Variants in SGCZ observed in about 807,000 individuals in gnomAD.
The protein encoded by SGCZ is sarcoglycan zeta, also known as zeta-sarcoglycan.
A neutral mutation model predicts 41.3 loss-of-function variants in SGCZ; 40 were observed. The observed-to-expected ratio is 0.97, with a 90% CI of 0.75 to 1.26. The LOEUF (loss-of-function observed/expected upper bound fraction) is 1.26. SGCZ is among the 50% of genes most tolerant of loss of function. The pLI is 0.00. For missense variants in SGCZ, 552 were observed against 369.8 expected (o/e 1.49, Z -4.04); for synonymous variants, 206 against 137.5 (o/e 1.50, Z -3.49).
intron 1 of SGCZ, among the ~76,000 whole-genome samples, chr8:15,134,917 T>C (rs1808051305): frequency 1.3e-5 from 2 of 152,158 alleles, no homozygotes; most frequent in Admixed American, 1.3e-4. Context: ...TTCAACATCT[T>C]AGTTTTTGAA....
At chr8:14,934,967 CAG>C (rs1054105322) in intron 1 of SGCZ, among the ~76,000 whole-genome samples, 36 of 143,238 alleles carry the variant, frequency 2.5e-4, no homozygotes, top group African/African-American at 8.4e-4. Flanking sequence ...TAGAGTTATT[CAG>C]AGTTATTCAT....
chr8:15,136,288 T>C (rs530115700), intron 1 of SGCZ, among the ~76,000 whole-genome samples: 1 of 152,196 alleles, frequency 6.6e-6, no homozygotes, highest in East Asian at 1.9e-4. Flanking sequence ...TAACAGGCAA[T>C]GAGTTTATTG....
intron 2 of SGCZ, among the ~76,000 whole-genome samples, chr8:14,336,990 G>A (rs186746716): frequency 6.6e-6 from 1 of 152,198 alleles, no homozygotes; most frequent in Non-Finnish European, 1.5e-5. Flanking sequence ...GTGTACAGAG[G>A]GAAGTGCTGT....
At chr8:14,220,700 T>G (rs1386504102) in intron 4 of SGCZ, among the ~76,000 whole-genome samples, 1 of 152,020 alleles carries the variant, frequency 6.6e-6, no homozygotes, top group Non-Finnish European at 1.5e-5. Flanking sequence ...GGTAGGAGAA[T>G]GGCGTGAACC....
intron 1 of SGCZ, among the ~76,000 whole-genome samples, chr8:15,029,271 C>A (rs1182076763): frequency 1.3e-5 from 2 of 151,956 alleles, no homozygotes; most frequent in Admixed American, 6.6e-5. Flanking sequence ...AAGTTGAAAG[C>A]ACTTAGAATT....
chr8:14,911,367 C>G (rs1799275061), intron 1 of SGCZ, among the ~76,000 whole-genome samples: 1 of 151,952 alleles, frequency 6.6e-6, no homozygotes, highest in Non-Finnish European at 1.5e-5. Flanking sequence ...GCCTATTTTT[C>G]TTAGGAAAAG....
At chr8:14,313,949 TG>T (rs1801630490) in intron 3 of SGCZ, among the ~76,000 whole-genome samples, 1 of 133,378 alleles carries the variant, frequency 7.5e-6, no homozygotes, top group African/African-American at 3.0e-5. Context: ...TGTGTGTGTG[TG>T]TGTGTTGGTG....
chr8:14,352,462 AC>A (rs1803135074), intron 2 of SGCZ, among the ~76,000 whole-genome samples: 1 of 152,120 alleles, frequency 6.6e-6, no homozygotes, highest in African/African-American at 2.4e-5. Context: ...AGAAAATTTG[AC>A]GTAAGCAGAG....
intron 2 of SGCZ, among the ~76,000 whole-genome samples, chr8:14,355,519 A>G (rs1024573471): frequency 2.6e-5 from 4 of 152,036 alleles, no homozygotes; most frequent in Non-Finnish European, 5.9e-5. Flanking sequence ...GTAAAAATTC[A>G]CTTAATCTGA....
chr8:14,494,237 G>A (rs763028620), intron 2 of SGCZ, among the ~76,000 whole-genome samples: 6 of 152,128 alleles, frequency 3.9e-5, no homozygotes, highest in Non-Finnish European at 7.3e-5. Context: ...GAAATAAAGA[G>A]ACTTCAGAGC....
intron 1 of SGCZ, among the ~76,000 whole-genome samples, chr8:15,216,188 G>A (rs1801393316): frequency 6.9e-6 from 1 of 144,086 alleles, no homozygotes; most frequent in Non-Finnish European, 1.5e-5. Flanking sequence ...AAAAAAGGAT[G>A]TTTTAAGTAT....
chr8:14,131,447 G>T (rs994883933), intron 5 of SGCZ, among the ~76,000 whole-genome samples: 3 of 152,126 alleles, frequency 2.0e-5, no homozygotes, highest in Non-Finnish European at 2.9e-5. Flanking sequence ...AGCAATTTCT[G>T]TATGTTATTC....
intron 2 of SGCZ, among the ~76,000 whole-genome samples, chr8:14,504,339 G>A (rs1008062562): frequency 3.3e-5 from 5 of 152,094 alleles, no homozygotes; most frequent in African/African-American, 1.2e-4. Context: ...GCCCATGGGG[G>A]CTAGAAATTC....
intron 4 of SGCZ, among the ~76,000 whole-genome samples, chr8:14,193,383 G>A (rs912029794): frequency 6.6e-6 from 1 of 151,350 alleles, no homozygotes; most frequent in African/African-American, 2.4e-5. Flanking sequence ...ACAGTTGAAT[G>A]AGTGAGAGAA....
At chr8:15,219,648 T>G (rs927134628) in intron 1 of SGCZ, among the ~76,000 whole-genome samples, 8 of 152,124 alleles carry the variant, frequency 5.3e-5, no homozygotes, top group African/African-American at 1.9e-4. Flanking sequence ...AGCTGAGATA[T>G]TTACCGGAAT....
intron 3 of SGCZ, among the ~76,000 whole-genome samples, chr8:14,312,064 G>GT (rs143918809): frequency 0.014 from 2,090 of 152,146 alleles, 51 homozygotes; most frequent in African/African-American, 0.047. Context: ...TGGGGACAAT[G>GT]TTTTTTTGAA....
chr8:14,575,702 T>C (rs1010400878), intron 1 of SGCZ, among the ~76,000 whole-genome samples: 8 of 151,394 alleles, frequency 5.3e-5, no homozygotes, highest in African/African-American at 1.9e-4. Context: ...AGGTCAGGAG[T>C]TCGAGATCAG....
intron 1 of SGCZ, among the ~76,000 whole-genome samples, chr8:14,903,310 G>C (rs1799027130): frequency 6.6e-6 from 1 of 152,114 alleles, no homozygotes; most frequent in Non-Finnish European, 1.5e-5. Flanking sequence ...ACTAAATACA[G>C]ATGCAGCAGC....
intron 1 of SGCZ, among the ~76,000 whole-genome samples, chr8:15,180,357 T>C (rs1800133874): frequency 6.6e-6 from 1 of 152,186 alleles, no homozygotes; most frequent in African/African-American, 2.4e-5. Flanking sequence ...CTTTAACATG[T>C]TGGTATATTG....
Sources: allele counts gnomAD v4.1 joint callset (sites outside exome capture counted in the v4.1 genomes callset), GRCh38; gene constraint gnomAD v4.1.1; transcripts MANE v1.5; gene names NCBI Gene and HGNC (gene_info 2026-07-23, HGNC 2026-07-21).